PLCXD3: variants seen among roughly 807,000 people sequenced by gnomAD.
PLCXD3 encodes phosphatidylinositol specific phospholipase C X domain containing 3, also known as PI-PLC X domain-containing protein 3.
PLCXD3 carries 19 observed loss-of-function variants against 25.5 expected under a neutral mutation model. That is an observed-to-expected ratio of 0.75 (90% CI 0.52 to 1.09). PLCXD3 has a LOEUF of 1.09. PLCXD3 is among the 50% of genes least tolerant of loss of function. PLCXD3 has a pLI of 0.00. For missense variants in PLCXD3, 411 were observed against 388.1 expected, an observed-to-expected ratio of 1.06 and a Z score of -0.50; for synonymous variants, 174 against 137.6, an observed-to-expected ratio of 1.26 and a Z score of -1.85.
intron 1 of PLCXD3, among the ~76,000 whole-genome samples, chr5:41,474,776 G>T (rs950467060): frequency 1.3e-5 from 2 of 151,980 alleles, no homozygotes; most frequent in Non-Finnish European, 2.9e-5. Flanking sequence ...ACAACTCCTG[G>T]GACTACAGTA....
chr5:41,376,125 A>G (rs319004), intron 2 of PLCXD3, among the ~76,000 whole-genome samples: 15,464 of 152,036 alleles, frequency 0.1, 899 homozygotes, highest in Non-Finnish European at 0.12. Context: ...TGAAAATTCT[A>G]CCTTACACTC....
At chr5:41,453,021 T>C (rs1188222908) in intron 1 of PLCXD3, among the ~76,000 whole-genome samples, 3 of 152,090 alleles carry the variant, frequency 2.0e-5, no homozygotes, top group South Asian at 4.1e-4. Flanking sequence ...AATGAGAATA[T>C]TTAAAATCTA....
chr5:41,465,341 A>ACTAGTTCT (rs978853602), intron 1 of PLCXD3, among the ~76,000 whole-genome samples: 1 of 39,824 alleles, frequency 2.5e-5, no homozygotes, highest in Non-Finnish European at 4.8e-5. Context: ...TACTTTCCCC[A>ACTAGTTCT]CTAGTTCTTG....
At chr5:41,427,895 T>TGCC (rs1409880495) in intron 1 of PLCXD3, among the ~76,000 whole-genome samples, 1 of 152,126 alleles carries the variant, frequency 6.6e-6, no homozygotes, top group African/African-American at 2.4e-5. Flanking sequence ...GGGAAACATA[T>TGCC]TTTTTAATGT....
At chr5:41,374,937 A>G (rs532604161) in intron 2 of PLCXD3, among the ~76,000 whole-genome samples, 1 of 152,126 alleles carries the variant, frequency 6.6e-6, no homozygotes, top group East Asian at 1.9e-4. Context: ...AACCATTCTG[A>G]GTCTCAACCT....
At chr5:41,457,083 A>G (rs890290023) in intron 1 of PLCXD3, among the ~76,000 whole-genome samples, 4 of 151,964 alleles carry the variant, frequency 2.6e-5, no homozygotes, top group Admixed American at 2.6e-4. Flanking sequence ...CTGCAAAAAT[A>G]AATCTTGAAA....
intron 1 of PLCXD3, among the ~76,000 whole-genome samples, chr5:41,465,353 C>CTCTTTTTTTTTTTTTTTTT (rs1747991676): frequency 7.6e-5 from 1 of 13,228 alleles, no homozygotes; most frequent in Non-Finnish European, 1.3e-4. Context: ...TAGTTCTTGT[C>CTCTTTTTTTTTTTTTTTTT]TTTTTTTTTT....
intron 1 of PLCXD3, among the ~76,000 whole-genome samples, chr5:41,505,587 T>C (rs676328): frequency 0.14 from 21,168 of 152,196 alleles, 2,508 homozygotes; most frequent in African/African-American, 0.32. Context: ...AAGAGTGACT[T>C]AAATGGACAA....
At chr5:41,448,927 C>T (rs560171522) in intron 1 of PLCXD3, among the ~76,000 whole-genome samples, 2 of 152,272 alleles carry the variant, frequency 1.3e-5, no homozygotes, top group East Asian at 3.9e-4. Context: ...CTAAAAGAAT[C>T]TTCCATTTCA....
At chr5:41,433,612 G>C (rs959772796) in intron 1 of PLCXD3, among the ~76,000 whole-genome samples, 1 of 152,170 alleles carries the variant, frequency 6.6e-6, no homozygotes, top group Non-Finnish European at 1.5e-5. Flanking sequence ...GGAGAAATGA[G>C]ACCTGAGCCC....
chr5:41,323,693 G>T (rs1485185455), intron 2 of PLCXD3, among the ~76,000 whole-genome samples: 3 of 152,116 alleles, frequency 2.0e-5, no homozygotes, highest in African/African-American at 4.8e-5. Flanking sequence ...AGAGATAGTG[G>T]TTGCTTGAAT....
rs151301430 is a variant in PLCXD3 at position 41,436,131 on chromosome 5, A to C, written c.104-53597T>G. Among the ~76,000 whole-genome samples the C allele has an allele frequency of 4.5e-4, 69 of 152,274 alleles. 3 individuals are homozygous for C. The East Asian group carries it at 0.012, about 27-fold the overall frequency. On this transcript the variant is annotated intron_variant, in intron 1 of 2. Transcript: ENST00000377801. Reference sequence around the variant, plus strand: ...CTGGCCACCCACATTTGGATGGGTTAGGCATCCATTCTGACTAAATGTCTG... The same window carrying C: ...CTGGCCACCCACATTTGGATGGGTTCGGCATCCATTCTGACTAAATGTCTG...
At position 41,390,738 on chromosome 5, in the gene PLCXD3, C is replaced by T. The variant is rs190606241; in HGVS notation, c.104-8204G>A. 4.0e-3 allele frequency among the ~76,000 whole-genome samples: 605 copies of T among 152,170 alleles called. 5 individuals carry two copies. Among genetic ancestry groups the T allele is most frequent in the Middle Eastern group, 0.014 (4 of 294 alleles). Reference sequence around the variant, plus strand: ...CTACACAGAAAAAAAAACAAAAACACCTTCATAAGGAACAAAAATCAGATG... The same window carrying T: ...CTACACAGAAAAAAAAACAAAAACATCTTCATAAGGAACAAAAATCAGATG... On this transcript the variant is annotated intron_variant, in intron 1 of 2. Coordinates refer to ENST00000377801, the MANE Select transcript of PLCXD3 (RefSeq NM_001005473.3).
At position 41,490,394 on chromosome 5, in the gene PLCXD3, C is replaced by A. The variant is rs1210926106; in HGVS notation, c.103+20030G>T. ...TCATCAAGGATATTGGTCTAAAATT[C>A]TCTTTTTTGGTTGTGTCTCTGCCAG... On this transcript the variant is annotated intron_variant, in intron 1 of 2. Coordinates refer to ENST00000377801, the MANE Select transcript of PLCXD3 (RefSeq NM_001005473.3). Among the ~76,000 whole-genome samples the A allele has an allele frequency of 3.5e-3, 532 of 152,160 alleles. 4 individuals carry two copies. The highest frequency in any genetic ancestry group is 0.011 in the African/African-American group (444 of 41,498).
chr5:41,484,470 A>T (rs1439422268), intron 1 of PLCXD3, among the ~76,000 whole-genome samples: 1 of 152,148 alleles, frequency 6.6e-6, no homozygotes, highest in African/African-American at 2.4e-5. Flanking sequence ...TTTGATCAAC[A>T]TTTAGTAAGC....
chr5:41,473,014 C>T (rs1580390670), intron 1 of PLCXD3, among the ~76,000 whole-genome samples: 1 of 152,028 alleles, frequency 6.6e-6, no homozygotes, highest in East Asian at 1.9e-4. Flanking sequence ...TAAGCCTCTC[C>T]TATCTATATT....
In PLCXD3 at chr5:41,363,182, A is replaced by G. The variant is rs879283355; in HGVS notation, c.812+18644T>C. ...GGTTGAAAAACCAGGTAAATAACTG[A>G]TTTTGACTTATCTTAGAAGTTACCA... On this transcript the variant is annotated intron_variant, in intron 2 of 2. Transcript: ENST00000377801. Among the ~76,000 whole-genome samples, 43 of 152,130 alleles carry G rather than the reference A, an allele frequency of 2.8e-4. 2 individuals carry two copies. Among genetic ancestry groups the G allele is most frequent in the Admixed American group, 9.8e-4 (15 of 15,278 alleles).
chr5:41,396,656 A>T (rs750841898), intron 1 of PLCXD3, among the ~76,000 whole-genome samples: 20 of 152,192 alleles, frequency 1.3e-4, no homozygotes, highest in Admixed American at 2.0e-4. Flanking sequence ...GGAAAATGAG[A>T]GAAAGTTTGG....
intron 1 of PLCXD3, among the ~76,000 whole-genome samples, chr5:41,399,353 G>A (rs1456210583): frequency 6.6e-6 from 1 of 152,100 alleles, no homozygotes; most frequent in South Asian, 2.1e-4. Context: ...ATCCTAAAAT[G>A]TATATGGAAC....
Sources: allele counts gnomAD v4.1 joint callset (sites outside exome capture counted in the v4.1 genomes callset), GRCh38; gene constraint gnomAD v4.1.1; transcripts MANE v1.5; gene names NCBI Gene and HGNC (gene_info 2026-07-23, HGNC 2026-07-21).